The following RSPH10B variants were observed in gnomAD, a reference collection of about 807,000 sequenced individuals.
The protein encoded by RSPH10B is radial spoke head 10 homolog B (Chlamydomonas).
A neutral mutation model predicts 52.5 loss-of-function variants in RSPH10B; 7 were observed. The observed-to-expected ratio is 0.13, with a 90% CI of 0.08 to 0.25. RSPH10B has a LOEUF of 0.25. RSPH10B is among the 10% of genes least tolerant of loss of function. The probability of loss-of-function intolerance (pLI) is 1.00; values close to 1 mark genes in which losing one functional copy is unlikely to be tolerated. For missense variants in RSPH10B, 89 were observed against 542.5 expected (o/e 0.16, Z 8.30); for synonymous variants, 28 against 193.2 (o/e 0.14, Z 7.09).
chr7:5,937,176 T>TGA (rs1779968373), intron 15 of RSPH10B, among the ~76,000 whole-genome samples: 2 of 108,404 alleles, frequency 1.8e-5, no homozygotes, highest in Non-Finnish European at 4.3e-5. Flanking sequence ...GAGGAACGTG[T>TGA]GAGCTCAGGA....
intron 12 of RSPH10B, among the ~76,000 whole-genome samples, 174 bp downstream of exon 14, chr7:5,943,737 G>T (rs1434402087): frequency 2.0e-5 from 3 of 150,916 alleles, no homozygotes; most frequent in African/African-American, 7.4e-5. Context: ...GTAGAGATGG[G>T]GTTTTGCCAT....
intron 13 of RSPH10B, among the ~76,000 whole-genome samples, chr7:5,941,285 G>A (rs1780170544): frequency 7.0e-6 from 1 of 142,466 alleles, no homozygotes; most frequent in South Asian, 2.2e-4. Context: ...CTGGGTGACA[G>A]AGTGAGAACC....
chr7:5,939,996 A>G (rs1485974437), intron 13 of RSPH10B, among the ~76,000 whole-genome samples: 2 of 116,708 alleles, frequency 1.7e-5, no homozygotes, highest in Non-Finnish European at 2.0e-5. Flanking sequence ...AGAGATCCAG[A>G]CCATCCTGGC....
intron 12 of RSPH10B, 129 bp downstream of exon 14, chr7:5,943,782 G>C (rs1780340754): frequency 1.4e-6 from 2 of 1,480,430 alleles, no homozygotes. Context: ...CTTGACCTCA[G>C]GTGATCCTCC....
At position 5,943,616 on chromosome 7, in the gene RSPH10B, T is replaced by C. The variant is rs1340205214; in HGVS notation, c.1610-144A>G. The C allele has an allele frequency of 6.1e-5, 41 of 673,148 alleles. No homozygotes were observed. In the Middle Eastern group the frequency reaches 1.3e-3, roughly 21 times the overall value. 41.7% of individuals were successfully genotyped at this position (673,148 alleles called of 1,614,324 possible). On this transcript the variant is annotated intron_variant, in intron 12 of 18. Transcript: ENST00000337579. Reference sequence around the variant, plus strand: ...TAGAGTGCAGTGGCACCATCTTGGCTCGCTGCAACCTCCGCCCCCCAGGCT... The same window carrying C: ...TAGAGTGCAGTGGCACCATCTTGGCCCGCTGCAACCTCCGCCCCCCAGGCT...
intron 8 of RSPH10B, among the ~76,000 whole-genome samples, chr7:5,952,623 A>AT (rs1780596529): frequency 1.2e-4 from 2 of 16,164 alleles, no homozygotes; most frequent in Non-Finnish European, 1.8e-4. Flanking sequence ...TTTGTCTAAA[A>AT]TTTTTTTTTA....
chr7:5,961,522 T>C (rs375882881), intron 3 of RSPH10B, among the ~76,000 whole-genome samples: 30,578 of 74,066 alleles, frequency 0.41, 3,170 homozygotes, highest in Non-Finnish European at 0.48. Flanking sequence ...TTTGTATTTT[T>C]AGGAGAGACG....
At chr7:5,927,048 T>TGTGTGTGTG (rs1347951159) in intron 18 of RSPH10B, among the ~76,000 whole-genome samples, 11 of 70,848 alleles carry the variant, frequency 1.6e-4, no homozygotes, top group African/African-American at 3.4e-4. Context: ...TGTGTGTGTA[T>TGTGTGTGTG]TATGTGTGTG....
chr7:5,940,134 T>C (rs946035007), intron 13 of RSPH10B, among the ~76,000 whole-genome samples: 1 of 116,740 alleles, frequency 8.6e-6, no homozygotes, highest in African/African-American at 3.0e-5. Flanking sequence ...GAGGCAGAGG[T>C]TGCAGTGAGG....
intron 17 of RSPH10B, among the ~76,000 whole-genome samples, chr7:5,931,801 G>C (rs1261789064): frequency 2.6e-5 from 4 of 151,120 alleles, no homozygotes; most frequent in East Asian, 3.9e-4. Context: ...AGGAGTTTGA[G>C]ACCACCCTGG....
intron 6 of RSPH10B, 140 bp downstream of exon 8, chr7:5,957,767 G>C: frequency 8.7e-7 from 1 of 1,146,438 alleles, no homozygotes; most frequent in South Asian, 1.7e-5. Context: ...GTGCACTCCA[G>C]CCTGGGAGAC....
intron 18 of RSPH10B, among the ~76,000 whole-genome samples, chr7:5,927,048 T>TGTGTGTGTGTGTGTGTGTA (rs1347951159): frequency 1.4e-5 from 1 of 70,836 alleles, no homozygotes; most frequent in Admixed American, 1.4e-4. Flanking sequence ...TGTGTGTGTA[T>TGTGTGTGTGTGTGTGTGTA]TATGTGTGTG....
intron 13 of RSPH10B, among the ~76,000 whole-genome samples, chr7:5,940,948 T>A (rs62454676): frequency 0.013 from 968 of 72,786 alleles, 68 homozygotes; most frequent in African/African-American, 0.041. Flanking sequence ...TAATAATTAT[T>A]ATTATTATTA....
At chr7:5,931,726 C>T (rs1779783611) in intron 17 of RSPH10B, among the ~76,000 whole-genome samples, 1 of 149,890 alleles carries the variant, frequency 6.7e-6, no homozygotes, top group Non-Finnish European at 1.5e-5. Context: ...TGCCCAGGGG[C>T]GGGTGGGCTC....
chr7:5,943,329 G>A (rs1780305904), exon 13 of RSPH10B: 1 of 1,544,932 alleles, frequency 6.5e-7, no homozygotes, highest in South Asian at 1.2e-5. Context: ...GTTACTTTCA[G>A]CATCCAGAGG....
In RSPH10B at chr7:5,944,242, C is replaced by T. The variant is rs1780372763; in HGVS notation, c.1530-252G>A. Among the ~76,000 whole-genome samples the T allele has an allele frequency of 2.0e-5, 3 of 150,934 alleles. No homozygotes were observed. In the South Asian group the frequency reaches 6.2e-4, roughly 31 times the overall value. On this transcript the variant is annotated intron_variant, in intron 11 of 18. Coordinates refer to ENST00000337579, the Ensembl canonical transcript of RSPH10B. ...TGGAACCCCATCTCCACTAAAAATA[C>T]AAAAAATTAGCTGGGCTTGGTGGCA...
intron 6 of RSPH10B, among the ~76,000 whole-genome samples, chr7:5,956,660 C>T (rs1464577243): frequency 6.6e-6 from 1 of 150,618 alleles, no homozygotes; most frequent in Non-Finnish European, 1.5e-5. Context: ...CCTCAACCTC[C>T]AAGACTCAAG....
At chr7:5,968,226 T>TA (rs1157871516), upstream of RSPH10B, among the ~76,000 whole-genome samples, 1 of 149,616 alleles carries the variant, frequency 6.7e-6, no homozygotes, top group Non-Finnish European at 1.5e-5. Context: ...CCGTCTCTAC[T>TA]AAAAATACAA....
At chr7:5,931,668 G>C (rs1434899487) in intron 17 of RSPH10B, among the ~76,000 whole-genome samples, 1 of 148,490 alleles carries the variant, frequency 6.7e-6, no homozygotes, top group Non-Finnish European at 1.5e-5. Context: ...TTCAAGACCA[G>C]CCTGGGCAAC....
Sources: allele counts gnomAD v4.1 joint callset (sites outside exome capture counted in the v4.1 genomes callset), GRCh38; gene constraint gnomAD v4.1.1; transcripts MANE v1.5; gene names NCBI Gene and HGNC (gene_info 2026-07-23, HGNC 2026-07-21).